Variants in MAGI2 observed in about 807,000 individuals in gnomAD.
MAGI2 encodes membrane-associated guanylate kinase, WW and PDZ domain-containing protein 2.
Under a neutral mutation model 133.3 loss-of-function variants are expected in MAGI2, and 35 were observed. That is an observed-to-expected ratio of 0.26 (90% CI 0.20 to 0.35). MAGI2 has a LOEUF of 0.35. MAGI2 is among the 10% of genes least tolerant of loss of function. The probability of loss-of-function intolerance (pLI) is 1.00; values close to 1 mark genes in which losing one functional copy is unlikely to be tolerated. For synonymous variants in MAGI2, 729 were observed against 710.6 expected (o/e 1.03, Z -0.41); for missense variants, 1,636 against 1,863.4 (o/e 0.88, Z 2.25).
At chr7:79,353,036 G>A (rs2129111878) in intron 1 of MAGI2, among the ~76,000 whole-genome samples, 2 of 152,058 alleles carry the variant, frequency 1.3e-5, no homozygotes. Flanking sequence ...TTAAAGTTGA[G>A]GAAACAAATA....
chr7:78,955,753 C>CTT (rs1278190377), intron 2 of MAGI2, among the ~76,000 whole-genome samples: 4 of 68,022 alleles, frequency 5.9e-5, no homozygotes, highest in Admixed American at 4.5e-4. Context: ...TTCTTTCTTT[C>CTT]TTTCTTTCTT....
At chr7:78,686,714 C>G (rs892736669) in intron 2 of MAGI2, among the ~76,000 whole-genome samples, 1 of 152,038 alleles carries the variant, frequency 6.6e-6, no homozygotes, top group Admixed American at 6.6e-5. Flanking sequence ...TGAAAAAGAG[C>G]AGATTTAGCT....
At chr7:78,479,400 G>A (rs1792124480) in intron 6 of MAGI2, among the ~76,000 whole-genome samples, 1 of 151,864 alleles carries the variant, frequency 6.6e-6, no homozygotes, top group Non-Finnish European at 1.5e-5. Context: ...TAAGAGGCCA[G>A]AGAAAATACT....
chr7:78,454,350 A>G (rs1789074494), intron 6 of MAGI2, among the ~76,000 whole-genome samples: 1 of 152,160 alleles, frequency 6.6e-6, no homozygotes, highest in Non-Finnish European at 1.5e-5. Flanking sequence ...TTCTCTATAC[A>G]TGAAACTCAT....
At chr7:79,042,524 A>G (rs1401571675) in intron 1 of MAGI2, among the ~76,000 whole-genome samples, 1 of 152,194 alleles carries the variant, frequency 6.6e-6, no homozygotes, top group Non-Finnish European at 1.5e-5. Flanking sequence ...TAGCCTGTTT[A>G]CATTCAAGGT....
At chr7:79,234,039 C>G (rs1404801140) in intron 1 of MAGI2, among the ~76,000 whole-genome samples, 34 of 141,766 alleles carry the variant, frequency 2.4e-4, no homozygotes, top group African/African-American at 8.1e-4. Flanking sequence ...TATTTTATTT[C>G]TCCTTCGCTT....
At chr7:78,310,591 C>CT (rs1798619409) in intron 9 of MAGI2, among the ~76,000 whole-genome samples, 1 of 151,830 alleles carries the variant, frequency 6.6e-6, no homozygotes, top group Non-Finnish European at 1.5e-5. Flanking sequence ...TTTATAAGAC[C>CT]TTGTTTGGTT....
At chr7:79,198,571 C>G (rs1482270290) in intron 1 of MAGI2, among the ~76,000 whole-genome samples, 1 of 151,954 alleles carries the variant, frequency 6.6e-6, no homozygotes, top group Non-Finnish European at 1.5e-5. Flanking sequence ...TACTCGCTTT[C>G]TTTGCTTATT....
At chr7:79,137,156 C>G (rs1410633132) in intron 1 of MAGI2, among the ~76,000 whole-genome samples, 1 of 152,016 alleles carries the variant, frequency 6.6e-6, no homozygotes, top group East Asian at 1.9e-4. Context: ...GAAAGGACTT[C>G]CCTGCTAGAA....
intron 20 of MAGI2, among the ~76,000 whole-genome samples, chr7:78,119,929 A>C (rs1820265142): frequency 6.6e-6 from 1 of 152,238 alleles, no homozygotes; most frequent in South Asian, 2.1e-4. Context: ...GAATCAGTCT[A>C]AGATATTTGC....
At chr7:78,212,602 C>G (rs868616138) in intron 10 of MAGI2, among the ~76,000 whole-genome samples, 11 of 152,204 alleles carry the variant, frequency 7.2e-5, no homozygotes, top group Admixed American at 2.0e-4. Context: ...TTCTGACCTA[C>G]AGTACTATAA....
chr7:78,620,428 G>A (rs953466074), intron 3 of MAGI2, among the ~76,000 whole-genome samples: 2 of 151,962 alleles, frequency 1.3e-5, no homozygotes, highest in African/African-American at 4.8e-5. Context: ...TCATAGCAGT[G>A]TTTAGCTTAA....
intron 1 of MAGI2, among the ~76,000 whole-genome samples, chr7:79,436,139 A>C (rs1848126203): frequency 6.6e-6 from 1 of 150,674 alleles, no homozygotes; most frequent in Non-Finnish European, 1.5e-5. Flanking sequence ...AAAGATTTAG[A>C]TGTAAGTCCT....
In MAGI2 at chr7:78,905,241, T is replaced by C. The variant is rs376088034; in HGVS notation, c.418+101849A>G. Among the ~76,000 whole-genome samples the C allele has an allele frequency of 8.0e-4, 122 of 152,320 alleles. 1 individual carries two copies. The South Asian group carries it at 0.023, about 28-fold the overall frequency. ...ACTCTCTCCAAACTCTTTCCTACAA[T>C]GTGTTGCAATTTTCAGTAATGACAC... is the stretch of plus-strand genomic sequence containing the variant. On this transcript the variant is annotated intron_variant, in intron 2 of 21. Transcript: ENST00000354212.
intron 1 of MAGI2, among the ~76,000 whole-genome samples, chr7:79,337,558 T>C (rs916380148): frequency 6.6e-6 from 1 of 152,200 alleles, no homozygotes; most frequent in Non-Finnish European, 1.5e-5. Context: ...TTCAAGTTTG[T>C]GAACAAAATT....
At chr7:79,313,981 AT>A (rs1293416235) in intron 1 of MAGI2, among the ~76,000 whole-genome samples, 1 of 149,922 alleles carries the variant, frequency 6.7e-6, no homozygotes, top group East Asian at 2.0e-4. Context: ...TTTTGTATTT[AT>A]TTTATTTTTA....
intron 6 of MAGI2, among the ~76,000 whole-genome samples, chr7:78,411,829 G>C (rs1797898530): frequency 6.6e-6 from 1 of 151,916 alleles, no homozygotes; most frequent in Non-Finnish European, 1.5e-5. Context: ...CCTGATTCTT[G>C]ACTTCATTTA....
chr7:78,726,135 T>C (rs967071423), intron 2 of MAGI2, among the ~76,000 whole-genome samples: 13 of 152,182 alleles, frequency 8.5e-5, no homozygotes, highest in Non-Finnish European at 1.8e-4. Context: ...TCCCTTATTG[T>C]TCAAAAATAA....
At chr7:79,282,886 A>G (rs896459899) in intron 1 of MAGI2, among the ~76,000 whole-genome samples, 15 of 128,260 alleles carry the variant, frequency 1.2e-4, no homozygotes, top group Non-Finnish European at 2.3e-4. Flanking sequence ...TTCTGACTAG[A>G]AGTTAATTTT....
Sources: allele counts gnomAD v4.1 joint callset (sites outside exome capture counted in the v4.1 genomes callset), GRCh38; gene constraint gnomAD v4.1.1; transcripts MANE v1.5; gene names NCBI Gene and HGNC (gene_info 2026-07-23, HGNC 2026-07-21).